Variants in CTNNA2 observed in about 807,000 individuals in gnomAD.
CTNNA2 encodes the protein catenin alpha-2.
CTNNA2 carries 42 observed loss-of-function variants against 101.0 expected under a neutral mutation model. The observed-to-expected ratio is 0.42, with a 90% CI of 0.32 to 0.54. The LOEUF (loss-of-function observed/expected upper bound fraction) is 0.54. CTNNA2 is among the 20% of genes least tolerant of loss of function. The pLI, the probability that CTNNA2 is intolerant of heterozygous loss-of-function variation, is 0.14. For missense variants in CTNNA2, 871 were observed against 1,223.1 expected (o/e 0.71, Z 4.29); for synonymous variants, 450 against 456.4 (o/e 0.99, Z 0.18).
At chr2:80,264,158 G>C (rs906261368) in intron 7 of CTNNA2, among the ~76,000 whole-genome samples, 1 of 152,050 alleles carries the variant, frequency 6.6e-6, no homozygotes, top group African/African-American at 2.4e-5. Flanking sequence ...TAATACCAAG[G>C]AGTATTTTGG....
At chr2:79,318,597 C>A (rs1247112103) in intron 3 of CTNNA2, among the ~76,000 whole-genome samples, 1 of 152,054 alleles carries the variant, frequency 6.6e-6, no homozygotes, top group Non-Finnish European at 1.5e-5. Flanking sequence ...AGATGTGTAC[C>A]CTATATCCTA....
chr2:80,399,924 C>G (rs1324350384), intron 8 of CTNNA2, among the ~76,000 whole-genome samples: 1 of 152,122 alleles, frequency 6.6e-6, no homozygotes, highest in Non-Finnish European at 1.5e-5. Flanking sequence ...TTTCAGTTTA[C>G]CAGAACATTC....
intron 6 of CTNNA2, among the ~76,000 whole-genome samples, chr2:79,900,379 A>C (rs1684994028): frequency 6.6e-6 from 1 of 152,116 alleles, no homozygotes; most frequent in Non-Finnish European, 1.5e-5. Flanking sequence ...TTGGTTTGGG[A>C]TTGTATCAGT....
chr2:80,106,768 C>T (rs74863644), intron 7 of CTNNA2, among the ~76,000 whole-genome samples: 23 of 152,212 alleles, frequency 1.5e-4, no homozygotes, highest in Admixed American at 5.2e-4. Context: ...GCTGCTGAGG[C>T]TCTCCAGGAG....
chr2:80,532,520 A>C (rs1690630863), intron 9 of CTNNA2, among the ~76,000 whole-genome samples: 1 of 152,192 alleles, frequency 6.6e-6, no homozygotes. Context: ...CAAGAGTAAT[A>C]ATGCTGGGAT....
intron 7 of CTNNA2, among the ~76,000 whole-genome samples, chr2:80,340,825 A>G (rs1043445313): frequency 2.0e-5 from 3 of 152,170 alleles, no homozygotes; most frequent in African/African-American, 4.8e-5. Flanking sequence ...CAGTTCCACA[A>G]TAATGCCCCC....
rs70940029 is a variant in CTNNA2 at position 79,338,578 on chromosome 2, ATCTTCTTCTTCTTCT to A, written c.-318+25833_-318+25847del. Reference sequence around the variant, plus strand: ...TTTCTTCTTCTTCTTCCTCCTCATCATCTTCTTCTTCTTCTTCTTCTTCTTCTTCTTCTTCTTCTT... The same window carrying A: ...TTTCTTCTTCTTCTTCCTCCTCATCATCTTCTTCTTCTTCTTCTTCTTCTT... On this transcript the variant is annotated intron_variant, in intron 3 of 21. Transcript: ENST00000466387. Among the ~76,000 whole-genome samples the A allele has an allele frequency of 3.1e-3, 364 of 117,792 alleles. 3 individuals carry two copies. Among genetic ancestry groups the A allele is most frequent in the African/African-American group, 0.012 (351 of 29,964 alleles). 77.3% of individuals were successfully genotyped at this position (117,792 alleles called of 152,430 possible).
chr2:79,696,174 G>A lies in CTNNA2; in HGVS notation c.102+44516G>A, dbSNP rs755614319. 2.6e-5 allele frequency among the ~76,000 whole-genome samples: 4 copies of A among 152,044 alleles called. 1 individual carries two copies. The highest frequency in any genetic ancestry group is 4.8e-5 in the African/African-American group (2 of 41,516). ...AGCCAAAAAGCAAGGTTACAAAGTCGCTTTGTAAATTCTGTGCATTGAGCT... is the reference window on the plus strand; with the variant it reads ...AGCCAAAAAGCAAGGTTACAAAGTCACTTTGTAAATTCTGTGCATTGAGCT... On this transcript the variant is annotated intron_variant, in intron 2 of 18. Transcript: ENST00000402739.
At chr2:79,509,767 T>G (rs750886761), upstream of CTNNA2, among the ~76,000 whole-genome samples, 3 of 152,208 alleles carry the variant, frequency 2.0e-5, no homozygotes, top group Non-Finnish European at 2.9e-5. Context: ...GATGATGATG[T>G]GTCAATATAG....
intron 7 of CTNNA2, among the ~76,000 whole-genome samples, chr2:80,216,179 G>A (rs1242070178): frequency 6.6e-6 from 1 of 152,152 alleles, no homozygotes; most frequent in Admixed American, 6.5e-5. Flanking sequence ...CCTTGGCTAA[G>A]AAAGGGAATT....
At chr2:80,130,622 A>G (rs1702361159) in intron 7 of CTNNA2, among the ~76,000 whole-genome samples, 3 of 152,182 alleles carry the variant, frequency 2.0e-5, no homozygotes, top group Non-Finnish European at 4.4e-5. Flanking sequence ...TCAACCTGCG[A>G]TGGTGGTTGT....
intron 7 of CTNNA2, among the ~76,000 whole-genome samples, chr2:80,066,858 GGATA>G (rs1250638738): frequency 6.6e-6 from 1 of 152,074 alleles, no homozygotes; most frequent in Non-Finnish European, 1.5e-5. Flanking sequence ...GTGAATGGAT[GGATA>G]AAGAAAACGT....
chr2:80,356,487 A>T (rs568989655), intron 7 of CTNNA2, among the ~76,000 whole-genome samples: 84 of 152,132 alleles, frequency 5.5e-4, no homozygotes, highest in Non-Finnish European at 1.1e-3. Context: ...CTCATCCAAT[A>T]ATAAACATTT....
At chr2:80,127,083 G>A (rs1457296108) in intron 7 of CTNNA2, among the ~76,000 whole-genome samples, 2 of 152,142 alleles carry the variant, frequency 1.3e-5, no homozygotes, top group Non-Finnish European at 2.9e-5. Context: ...TGAGGACTAG[G>A]TTGCATTCTT....
rs142060019 is a variant in CTNNA2, at chr2:80,089,732, C to A, written c.1056+179935C>A. On this transcript the variant is annotated intron_variant, in intron 7 of 18. Transcript: ENST00000402739. ...ATGAGTATTGTCAGCAACTTACCAC[C>A]CCATTCTGCTTTCTCATCAGACCTT... Among the ~76,000 whole-genome samples, 745 of 152,098 alleles carry A rather than the reference C, an allele frequency of 4.9e-3. 7 individuals carry two copies. Among genetic ancestry groups the A allele is most frequent in the African/African-American group, 0.017 (706 of 41,512 alleles).
chr2:79,526,466 C>T (rs1330339614), intron 1 of CTNNA2, among the ~76,000 whole-genome samples: 7 of 149,700 alleles, frequency 4.7e-5, no homozygotes, highest in South Asian at 2.1e-4. Flanking sequence ...TTTTTTTTTG[C>T]AGAAATTGCT....
intron 9 of CTNNA2, among the ~76,000 whole-genome samples, chr2:80,425,220 G>C (rs1680887454): frequency 6.6e-6 from 1 of 152,102 alleles, no homozygotes; most frequent in Non-Finnish European, 1.5e-5. Flanking sequence ...ATTTCTAGTG[G>C]TTCTCAGCAG....
chr2:79,792,725 A>T (rs1449298795), intron 3 of CTNNA2, among the ~76,000 whole-genome samples: 2 of 152,184 alleles, frequency 1.3e-5, no homozygotes, highest in African/African-American at 4.8e-5. Flanking sequence ...TAGAAAAATC[A>T]CTTACCATTC....
chr2:80,486,434 C>T (rs1392382488), intron 9 of CTNNA2, among the ~76,000 whole-genome samples: 2 of 152,040 alleles, frequency 1.3e-5, no homozygotes, highest in African/African-American at 2.4e-5. Context: ...CATGGAAACA[C>T]ATTTGTAATA....
Sources: allele counts gnomAD v4.1 joint callset (sites outside exome capture counted in the v4.1 genomes callset), GRCh38; gene constraint gnomAD v4.1.1; transcripts MANE v1.5; gene names NCBI Gene and HGNC (gene_info 2026-07-23, HGNC 2026-07-21).